SNAP91: variants seen among roughly 807,000 people sequenced by gnomAD.
SNAP91 encodes synaptosome associated protein 91, also known as clathrin coat assembly protein AP180.
A neutral mutation model predicts 100.3 loss-of-function variants in SNAP91; 27 were observed. The observed-to-expected ratio is 0.27, with a 90% CI of 0.20 to 0.37. The LOEUF (loss-of-function observed/expected upper bound fraction) is 0.37, where lower values mean the gene tolerates loss of function less well. Among genes scored for constraint, SNAP91 ranks in the 10% least tolerant of loss-of-function variants. The pLI is 1.00. For synonymous variants in SNAP91, 404 were observed against 398.6 expected (o/e 1.01, Z -0.16); for missense variants, 986 against 1,123.7 (o/e 0.88, Z 1.75).
chr6:83,632,756 A>G (rs1302676316), intron 8 of SNAP91, among the ~76,000 whole-genome samples: 1 of 152,114 alleles, frequency 6.6e-6, no homozygotes, highest in East Asian at 1.9e-4. Flanking sequence ...TATTTATGCT[A>G]TCTAGTTCCT....
At chr6:83,634,318 G>A (rs2097341264) in intron 8 of SNAP91, among the ~76,000 whole-genome samples, 1 of 152,162 alleles carries the variant, frequency 6.6e-6, no homozygotes, top group African/African-American at 2.4e-5. Flanking sequence ...TCAGTTCCAG[G>A]TAAGGTCAAA....
At chr6:83,665,315 G>C (rs2098660134) in intron 3 of SNAP91, 124 bp downstream of exon 3, 1 of 944,382 alleles carries the variant, frequency 1.1e-6, no homozygotes, top group Non-Finnish European at 1.6e-6. Flanking sequence ...AGATGATCCG[G>C]AACTGTGTAT....
intron 2 of SNAP91, among the ~76,000 whole-genome samples, chr6:83,681,350 G>C (rs1246379743): frequency 6.6e-6 from 1 of 152,080 alleles, no homozygotes; most frequent in Non-Finnish European, 1.5e-5. Context: ...TTCTGAGGAG[G>C]TTTTCTATCT....
chr6:83,568,475 GTATAATAATAAT>G (rs1380242922), intron 26 of SNAP91, among the ~76,000 whole-genome samples: 1 of 77,184 alleles, frequency 1.3e-5, no homozygotes, highest in African/African-American at 4.4e-5. Context: ...GCACATTAAA[GTATAATAATAAT>G]AATAATAATA....
intron 7 of SNAP91, among the ~76,000 whole-genome samples, chr6:83,643,778 C>T (rs189554042): frequency 5.3e-4 from 80 of 152,228 alleles, no homozygotes; most frequent in African/African-American, 1.8e-3. Context: ...TAACTTTTTA[C>T]ATGGACCTCC....
chr6:83,592,146 C>G (rs951831614), intron 21 of SNAP91, among the ~76,000 whole-genome samples: 1 of 151,996 alleles, frequency 6.6e-6, no homozygotes, highest in Admixed American at 6.6e-5. Flanking sequence ...TCAGGATCAC[C>G]AAGGAAGAAC....
rs1254683145 is a variant in SNAP91 at position 83,662,366 on chromosome 6, CA to C, written c.329del (p.Leu110TrpfsTer15). 1.1e-5 allele frequency: 16 copies of C among 1,433,122 alleles called. No homozygotes were observed. The highest frequency in any genetic ancestry group is 2.4e-5 in the Admixed American group (1 of 40,882). The allele number at this position is 1,433,122 out of a possible 1,614,324, so 88.8% of individuals were successfully genotyped here. ...TCTCACCATGGGATCCACTTTTGTC[CA>C]AAAAATTGCTGAGATTGAATAGTGT... is the stretch of plus-strand genomic sequence containing the variant. The part of the protein sequence containing the change: ...RNTLFNLSNF[L>X]DKSGSHGYDM... On this transcript the variant is annotated frameshift_variant, in exon 4 of 30. Transcript: ENST00000369694. LOFTEE classifies it high-confidence loss of function.
At chr6:83,612,913 T>A (rs9362002) in intron 11 of SNAP91, among the ~76,000 whole-genome samples, 110,566 of 138,968 alleles carry the variant, frequency 0.8, 44,730 homozygotes, top group African/African-American at 0.91. Flanking sequence ...AAAAAAAAAA[T>A]ATCAACAGCT....
At chr6:83,689,567 T>C (rs1039976323) in intron 2 of SNAP91, 3 of 152,010 alleles carry the variant, frequency 2.0e-5, no homozygotes, top group African/African-American at 4.8e-5. Context: ...AACCTCCAAA[T>C]AACTTTGAGA....
chr6:83,610,741 A>T (rs1583616832), intron 11 of SNAP91, 64 bp from the exon 12 acceptor site: 1 of 161,346 alleles, frequency 6.2e-6, no homozygotes, highest in Non-Finnish European at 1.1e-5. Context: ...ATATATATAT[A>T]TATATAAATA....
intron 26 of SNAP91, among the ~76,000 whole-genome samples, chr6:83,569,365 T>G (rs1408621381): frequency 5.3e-5 from 8 of 152,116 alleles, no homozygotes; most frequent in African/African-American, 1.4e-4. Flanking sequence ...TAAAGAGTTT[T>G]GGGGTTAAAA....
chr6:83,576,041 G>A lies in SNAP91; in HGVS notation c.2312C>T (p.Ser771Phe), dbSNP rs1375310225. 1.4e-6 allele frequency: 2 copies of A among 1,402,926 alleles called. No homozygotes were observed. Among genetic ancestry groups the A allele is most frequent in the Non-Finnish European group, 1.9e-6 (2 of 1,026,658 alleles). The allele number at this position is 1,402,926 out of a possible 1,614,324, so 86.9% of individuals were successfully genotyped here. A position where few individuals can be genotyped will look rare whatever the true frequency, so the allele number is the denominator to read the frequency against. ...CACTTACTTTTTTGTTGTGGTACCA[G>A]AAATTCCAAGATCTATAAATGGATA... The part of the protein sequence containing the change: ...LASLVGNLGI[S>F]GTTTKKGDLQ... The change falls in exon 25 of 30, where the codon TCT (serine) becomes TTT (phenylalanine). Residue 771 changes from serine to phenylalanine, a missense_variant. Physicochemically the swap from Ser to Phe is radical, Grantham distance 155. Around this residue, in one of 4 missense-constraint regions of SNAP91, gnomAD observed 575 missense variants for 579.9 expected, o/e 0.99. Coordinates refer to ENST00000369694, the MANE Select transcript of SNAP91 (RefSeq NM_001242792.2).
chr6:83,627,024 G>A (rs139151128), intron 8 of SNAP91, among the ~76,000 whole-genome samples: 161 of 152,134 alleles, frequency 1.1e-3, no homozygotes, highest in African/African-American at 3.4e-3. Flanking sequence ...TTTGAAGTAC[G>A]TTCCTTCAAT....
intron 9 of SNAP91, among the ~76,000 whole-genome samples, chr6:83,621,964 T>G (rs1411760318): frequency 6.6e-6 from 1 of 151,694 alleles, no homozygotes; most frequent in Non-Finnish European, 1.5e-5. Context: ...TAAAAATGAT[T>G]AGTTTAAATG....
chr6:83,578,858 G>A (rs1008861882), intron 24 of SNAP91, among the ~76,000 whole-genome samples: 7 of 152,008 alleles, frequency 4.6e-5, no homozygotes, highest in South Asian at 2.1e-4. Flanking sequence ...TAAAAGTTGC[G>A]TAGATTTAGC....
chr6:83,668,442 A>G (rs2128797670), intron 2 of SNAP91, among the ~76,000 whole-genome samples: 1 of 152,344 alleles, frequency 6.6e-6, no homozygotes, highest in East Asian at 1.9e-4. Flanking sequence ...AATGTCCATC[A>G]ATGATAGACT....
chr6:83,608,181 C>G (rs2095763653), intron 12 of SNAP91, among the ~76,000 whole-genome samples: 1 of 151,962 alleles, frequency 6.6e-6, no homozygotes, highest in Non-Finnish European at 1.5e-5. Context: ...GCTAAAAAAA[C>G]CAATGTCATT....
intron 11 of SNAP91, among the ~76,000 whole-genome samples, chr6:83,614,317 C>T (rs77775578): frequency 4.6e-5 from 7 of 152,066 alleles, no homozygotes; most frequent in Admixed American, 3.3e-4. Context: ...AGGTATATCA[C>T]AGAGTATTGC....
intron 22 of SNAP91, among the ~76,000 whole-genome samples, chr6:83,585,565 T>C (rs1432299638): frequency 2.0e-5 from 3 of 149,376 alleles, no homozygotes; most frequent in Non-Finnish European, 3.0e-5. Context: ...CTCTATGGAA[T>C]GGAATTGGAA....
Sources: gnomAD v4.1 joint callset for allele counts (sites outside exome capture counted in the v4.1 genomes callset) on GRCh38, gnomAD v4.1.1 for gene constraint, gnomAD v4.1.1 regional missense constraint, MANE v1.5 for transcripts, NCBI Gene and HGNC (gene_info 2026-07-23, HGNC 2026-07-21) for gene names.